ENTPD7: variants seen among roughly 807,000 people sequenced by gnomAD.
The protein encoded by ENTPD7 is ectonucleoside triphosphate diphosphohydrolase 7, also known as NTPDase 7.
A neutral mutation model predicts 77.9 loss-of-function variants in ENTPD7; 53 were observed. The observed-to-expected ratio is 0.68, with a 90% CI of 0.55 to 0.85. The LOEUF (loss-of-function observed/expected upper bound fraction) is 0.85. Among genes scored for constraint, ENTPD7 ranks in the 40% least tolerant of loss-of-function variants. ENTPD7 has a pLI of 0.00. For missense variants in ENTPD7, 636 were observed against 743.7 expected, an observed-to-expected ratio of 0.86 and a Z score of 1.68; for synonymous variants, 248 against 274.9, an observed-to-expected ratio of 0.90 and a Z score of 0.97.
In ENTPD7 at chr10:99,709,355, T is replaced by G. The variant is rs1395948942; in HGVS notation, c.*4672T>G. ...TGTAATGTTGATTGGGAATAAGAAT[T>G]ATGGTAGAAATAGCAGATGTTTCAA... On this transcript the variant is annotated 3_prime_UTR_variant, in exon 13 of 13. Coordinates refer to ENST00000370489, the MANE Select transcript of ENTPD7 (RefSeq NM_020354.5). 1 of 985,288 alleles carries G rather than the reference T, an allele frequency of 1.0e-6. No homozygotes were observed. The highest frequency in any genetic ancestry group is 1.2e-6 in the Non-Finnish European group (1 of 829,916). 61.0% of individuals were successfully genotyped at this position (985,288 alleles called of 1,614,324 possible).
intron 8 of ENTPD7, 141 bp downstream of exon 8, chr10:99,691,659 T>C (rs2133479988): frequency 1.2e-6 from 1 of 849,696 alleles, no homozygotes; most frequent in Non-Finnish European, 1.8e-6. Flanking sequence ...CTTGAGTAGG[T>C]TACCTCTCTG....
In ENTPD7 at chr10:99,690,546, A is replaced by ATT. The variant is rs34605992; in HGVS notation, c.710-824_710-823dup. 8.5e-4 allele frequency among the ~76,000 whole-genome samples: 121 copies of ATT among 141,936 alleles called. 1 individual carries two copies. The highest frequency in any genetic ancestry group is 1.5e-3 in the South Asian group (7 of 4,554). The allele number at this position is 141,936 out of a possible 152,430, so 93.1% of individuals were successfully genotyped here. A position where few individuals can be genotyped will look rare whatever the true frequency, so the allele number is the denominator to read the frequency against. On this transcript the variant is annotated intron_variant, in intron 7 of 12. Transcript: ENST00000370489. Reference sequence around the variant, plus strand: ...GTTTTATTCCACAATATGTTTCATAATTTTTTTTTTTTTTTTGAGACAGTC... The same window carrying ATT: ...GTTTTATTCCACAATATGTTTCATAATTTTTTTTTTTTTTTTTTGAGACAGTC...
In ENTPD7 at chr10:99,706,986, T is replaced by C. The variant is rs1164951439; in HGVS notation, c.*2303T>C. On this transcript the variant is annotated 3_prime_UTR_variant, in exon 13 of 13. Transcript: ENST00000370489. Reference sequence around the variant, plus strand: ...GTTTGAAAGCTCTTATTAGTATTCTTCATCCTGGCTGTAATAATAGCCATT... The same window carrying C: ...GTTTGAAAGCTCTTATTAGTATTCTCCATCCTGGCTGTAATAATAGCCATT... Among the ~76,000 whole-genome samples the C allele has an allele frequency of 6.6e-6, 1 of 152,226 alleles. No homozygotes were observed. The highest frequency in any genetic ancestry group is 1.5e-5 in the Non-Finnish European group (1 of 68,030).
At chr10:99,660,305 T>G in intron 2 of ENTPD7, 1 of 985,402 alleles carries the variant, frequency 1.0e-6, no homozygotes. Flanking sequence ...TGCAGTGAAC[T>G]TTAAAAGCAG....
rs750176335 is a variant in ENTPD7, at chr10:99,688,761, T to C, written c.709+11T>C. 2 of 1,613,706 alleles carry C rather than the reference T, an allele frequency of 1.2e-6. No individual in the cohort carries two copies. Among genetic ancestry groups the C allele is most frequent in the East Asian group, 2.2e-5 (1 of 44,800 alleles). Reference sequence around the variant, plus strand: ...TCGACCACGAGGATGGTGAGTAATATTGTCTTTTTATGACAGTTTACCTAA... The same window carrying C: ...TCGACCACGAGGATGGTGAGTAATACTGTCTTTTTATGACAGTTTACCTAA... On this transcript the variant is annotated intron_variant, in intron 7 of 12. Transcript: ENST00000370489.
At chr10:99,697,005 C>T (rs1006680587) in intron 9 of ENTPD7, among the ~76,000 whole-genome samples, 3 of 152,168 alleles carry the variant, frequency 2.0e-5, no homozygotes, top group South Asian at 2.1e-4. Flanking sequence ...CACTTACCTA[C>T]GTATACTTAA....
At chr10:99,691,752 T>G (rs2035887230) in intron 8 of ENTPD7, among the ~76,000 whole-genome samples, 1 of 152,166 alleles carries the variant, frequency 6.6e-6, no homozygotes, top group African/African-American at 2.4e-5. Context: ...ATACCATGTT[T>G]GTAAAGCATT....
Position 99,661,537 on chromosome 10 carries a change from CTCT to C in ENTPD7, c.106_108del (p.Phe36del), listed in dbSNP as rs779693590. The C allele has an allele frequency of 1.2e-6, 2 of 1,613,940 alleles. No homozygotes were observed. On this transcript the variant is annotated inframe_deletion, in exon 3 of 13. Transcript: ENST00000370489. ...CCGTCAGCGGGTGGCATTCCTGGGA[CTCT>C]TCTTCATATCCTGTCTCCTTTTACT...
chr10:99,691,579 ACT>A, intron 8 of ENTPD7, 61 bp downstream of exon 8: 1 of 1,592,818 alleles, frequency 6.3e-7, no homozygotes. Context: ...AAGGAAGGAC[ACT>A]GTCTTTGGAC....
intron 8 of ENTPD7, among the ~76,000 whole-genome samples, chr10:99,694,542 T>TG (rs982679456): frequency 1.1e-4 from 17 of 150,586 alleles, no homozygotes; most frequent in African/African-American, 3.2e-4. Flanking sequence ...TTTTTTGTTT[T>TG]TTTTTTTTTT....
chr10:99,672,742 T>C (rs2035632102), intron 3 of ENTPD7, among the ~76,000 whole-genome samples: 1 of 152,238 alleles, frequency 6.6e-6, no homozygotes, highest in Non-Finnish European at 1.5e-5. Context: ...TCATCAGTCA[T>C]GCACAGCTAC....
chr10:99,679,812 A>G lies in ENTPD7; in HGVS notation c.485A>G (p.Lys162Arg). The G allele has an allele frequency of 6.2e-7, 1 of 1,614,230 alleles. No individual in the cohort carries two copies. The highest frequency in any genetic ancestry group is 8.5e-7 in the Non-Finnish European group (1 of 1,180,050). Residue 162 changes from lysine to arginine, a missense_variant, in exon 5 of 13, where the codon AAG becomes AGG. Physicochemically the swap from Lys to Arg is conservative, Grantham distance 26. This residue lies in a region of ENTPD7 where 486 missense variants were observed against 556.5 expected (regional missense o/e 0.87). Transcript: ENST00000370489. Reference sequence around the variant, plus strand: ...TTTGCTGCTGCTCATGTGCCTGTGAAGAAGCACAAGGAGACCCCTCTTTAC... The same window carrying G: ...TTTGCTGCTGCTCATGTGCCTGTGAGGAAGCACAAGGAGACCCCTCTTTAC... ...LSFAAAHVPVKKHKETPLYIL... is the reference protein window; with the variant it reads ...LSFAAAHVPVRKHKETPLYIL...
intron 6 of ENTPD7, among the ~76,000 whole-genome samples, chr10:99,687,631 T>C (rs2035832273): frequency 6.6e-6 from 1 of 152,174 alleles, no homozygotes; most frequent in Non-Finnish European, 1.5e-5. Flanking sequence ...AGCCAGTGGC[T>C]AATCTGGAAC....
chr10:99,676,081 G>A lies in ENTPD7; in HGVS notation c.192-3180G>A, dbSNP rs1426541030. Reference sequence around the variant, plus strand: ...TTGAAAATTGAAATTTTTCAGTATTGTTTTGATATATTGTAACAGATTGAA... The same window carrying A: ...TTGAAAATTGAAATTTTTCAGTATTATTTTGATATATTGTAACAGATTGAA... On this transcript the variant is annotated intron_variant, in intron 3 of 12. Coordinates refer to ENST00000370489, the MANE Select transcript of ENTPD7 (RefSeq NM_020354.5). Among the ~76,000 whole-genome samples the A allele has an allele frequency of 2.0e-5, 3 of 152,020 alleles. No homozygotes were observed. In the East Asian group the frequency reaches 5.8e-4, roughly 29 times the overall value.
chr10:99,691,642 G>A (rs994279748), intron 8 of ENTPD7, 124 bp downstream of exon 8: 3 of 1,072,822 alleles, frequency 2.8e-6, no homozygotes, highest in African/African-American at 3.2e-5. Context: ...TTGCTAGCTT[G>A]CGTTATCTTG....
chr10:99,696,058 G>A lies in ENTPD7; in HGVS notation c.946G>A (p.Gly316Arg), dbSNP rs139305536. 18 of 1,614,042 alleles carry A rather than the reference G, an allele frequency of 1.1e-5. No individual in the cohort carries two copies. Among genetic ancestry groups the A allele is most frequent in the Admixed American group, 1.7e-5 (1 of 59,990 alleles). ...TTATGTCACAACTTTTCTGGGTTTC[G>A]GAGGCAACTTTGCCCGGCAGCGCTA... ...RVYVTTFLGF[G>R]GNFARQRYED... Residue 316 changes from glycine to arginine, a missense_variant, in exon 9 of 13, where the codon GGA becomes AGA. Transcript: ENST00000370489.
chr10:99,679,129 G>A (rs548855312), intron 3 of ENTPD7, 132 bp from the exon 4 acceptor site: 2 of 778,484 alleles, frequency 2.6e-6, no homozygotes, highest in Middle Eastern at 2.9e-4. Flanking sequence ...TCACTCATTG[G>A]TTAGGACTGG....
At chr10:99,669,042 CTTTT>C (rs35881509) in intron 3 of ENTPD7, among the ~76,000 whole-genome samples, 1 of 137,796 alleles carries the variant, frequency 7.3e-6, no homozygotes, top group Non-Finnish European at 1.6e-5. Context: ...TTTTATATAT[CTTTT>C]TTTTTTTTTT....
intron 3 of ENTPD7, among the ~76,000 whole-genome samples, chr10:99,677,079 A>T (rs921839911): frequency 5.9e-5 from 9 of 152,212 alleles, no homozygotes. Flanking sequence ...GAAATCACCA[A>T]TAAACACTGG....
Sources: allele counts gnomAD v4.1 joint callset (sites outside exome capture counted in the v4.1 genomes callset), GRCh38; gene constraint gnomAD v4.1.1; regional missense constraint gnomAD v4.1.1; transcripts MANE v1.5; gene names NCBI Gene and HGNC (gene_info 2026-07-23, HGNC 2026-07-21).